Variants in SPMIP3 observed in about 807,000 individuals in gnomAD.
The protein encoded by SPMIP3 is sperm microtubule inner protein 3.
At chr1:244,359,085 T>C in the SPMIP3 span, among the ~76,000 whole-genome samples, 1 of 150,230 alleles carries the variant, frequency 6.7e-6, no homozygotes, top group Admixed American at 6.7e-5. Flanking sequence ...AATGTACTGA[T>C]ATATCTTATT....
At chr1:244,367,423 G>T in the SPMIP3 span, among the ~76,000 whole-genome samples, 1 of 152,156 alleles carries the variant, frequency 6.6e-6, no homozygotes, top group African/African-American at 2.4e-5. Flanking sequence ...GTGGGCTGGA[G>T]AAGCCGTCCC....
At chr1:244,388,023 G>T in the SPMIP3 span, among the ~76,000 whole-genome samples, 1 of 151,838 alleles carries the variant, frequency 6.6e-6, no homozygotes, top group Non-Finnish European at 1.5e-5. Context: ...CGCCTCCCGG[G>T]TTCATGCAAT....
At chr1:244,354,206 C>A in the SPMIP3 span, among the ~76,000 whole-genome samples, 1 of 152,238 alleles carries the variant, frequency 6.6e-6, no homozygotes, top group East Asian at 1.9e-4. Flanking sequence ...GGGACCCTGA[C>A]TCTAATATCC....
the SPMIP3 span, chr1:244,364,881 C>A: frequency 5.8e-6 from 6 of 1,035,418 alleles, no homozygotes; most frequent in African/African-American, 6.3e-5. Context: ...TCTAGGGAAG[C>A]TCTTTGGATA....
the SPMIP3 span, among the ~76,000 whole-genome samples, chr1:244,382,403 G>A: frequency 2.6e-5 from 4 of 152,188 alleles, no homozygotes; most frequent in African/African-American, 7.2e-5. Flanking sequence ...AACAGTAAGT[G>A]CAAAAGCCTG....
chr1:244,364,826 T>C, the SPMIP3 span: 1 of 1,424,690 alleles, frequency 7.0e-7, no homozygotes, highest in Middle Eastern at 1.7e-4. Flanking sequence ...GAGTTAGAAT[T>C]GCACATCCTG....
the SPMIP3 span, among the ~76,000 whole-genome samples, chr1:244,361,578 C>A: frequency 6.6e-6 from 1 of 151,800 alleles, no homozygotes; most frequent in Admixed American, 6.6e-5. Context: ...ATGTTCCTAA[C>A]ACAAAGAAAT....
the SPMIP3 span, among the ~76,000 whole-genome samples, chr1:244,363,956 G>A: frequency 6.0e-5 from 9 of 150,492 alleles, no homozygotes; most frequent in South Asian, 4.2e-4. Context: ...GGGAAATGTC[G>A]TGCTTAGCTT....
the SPMIP3 span, among the ~76,000 whole-genome samples, chr1:244,363,791 C>T: frequency 1.4e-4 from 21 of 152,274 alleles, no homozygotes; most frequent in East Asian, 3.9e-4. Context: ...GGAGATGAGA[C>T]GCTGGAAAAG....
the SPMIP3 span, among the ~76,000 whole-genome samples, chr1:244,355,920 C>T: frequency 6.6e-6 from 1 of 152,112 alleles, no homozygotes; most frequent in South Asian, 2.1e-4. Flanking sequence ...CATTTTTAAG[C>T]AATTGTAAAT....
chr1:244,357,565 C>A, the SPMIP3 span, among the ~76,000 whole-genome samples: 3 of 151,684 alleles, frequency 2.0e-5, no homozygotes, highest in Middle Eastern at 3.4e-3. Flanking sequence ...AAAAATTAGG[C>A]GAGCGTGGTA....
At chr1:244,379,399 T>C in the SPMIP3 span, among the ~76,000 whole-genome samples, 1,202 of 151,848 alleles carry the variant, frequency 7.9e-3, 20 homozygotes, top group African/African-American at 0.028. Context: ...GAGATGAGGG[T>C]CTTGCTTTGT....
the SPMIP3 span, among the ~76,000 whole-genome samples, chr1:244,352,949 CG>C: frequency 6.6e-6 from 1 of 152,110 alleles, no homozygotes; most frequent in Admixed American, 6.6e-5. Context: ...TTTAACTCAA[CG>C]TGTCTTTTTT....
the SPMIP3 span, among the ~76,000 whole-genome samples, chr1:244,363,125 G>A: frequency 6.6e-6 from 1 of 152,058 alleles, no homozygotes; most frequent in Non-Finnish European, 1.5e-5. Context: ...TCAGATGTGG[G>A]CCAGGTACGG....
At chr1:244,389,014 T>C in the SPMIP3 span, 1 of 1,614,026 alleles carries the variant, frequency 6.2e-7, no homozygotes, top group Non-Finnish European at 8.5e-7. Flanking sequence ...CTGCCAGAGC[T>C]CTACTGTTGT....
the SPMIP3 span, among the ~76,000 whole-genome samples, chr1:244,373,332 T>TTTATATACATATATATATATATATATA: frequency 1.2e-5 from 1 of 85,148 alleles, no homozygotes; most frequent in African/African-American, 4.1e-5. Context: ...CAAAAAAAAA[T>TTTATATACATATATATATATATATATA]TATATATATA....
the SPMIP3 span, among the ~76,000 whole-genome samples, chr1:244,373,332 T>TTTTATATATA: frequency 3.5e-3 from 295 of 84,970 alleles, 13 homozygotes; most frequent in Middle Eastern, 6.8e-3. Flanking sequence ...CAAAAAAAAA[T>TTTTATATATA]TATATATATA....
the SPMIP3 span, among the ~76,000 whole-genome samples, chr1:244,377,279 G>A: frequency 4.6e-5 from 7 of 151,956 alleles, no homozygotes; most frequent in African/African-American, 1.7e-4. Flanking sequence ...CCGCCACCAT[G>A]CCCGACTAAT....
chr1:244,357,228 T>TTACTTTTAATGAGGGCAGGG, the SPMIP3 span, among the ~76,000 whole-genome samples: 1 of 151,544 alleles, frequency 6.6e-6, no homozygotes, highest in African/African-American at 2.4e-5. Flanking sequence ...ACCATGGAGA[T>TTACTTTTAATGAGGGCAGGG]TGAAACAAAT....
Sources: allele counts gnomAD v4.1 joint callset (sites outside exome capture counted in the v4.1 genomes callset), GRCh38; gene constraint gnomAD v4.1.1; transcripts MANE v1.5; gene names NCBI Gene and HGNC (gene_info 2026-07-23, HGNC 2026-07-21).